Variants in SUGP2 observed in about 807,000 individuals in gnomAD.
SUGP2 encodes the protein SURP and G-patch domain containing 2.
A neutral mutation model predicts 90.5 loss-of-function variants in SUGP2; 24 were observed. The observed-to-expected ratio is 0.27, with a 90% confidence interval of 0.19 to 0.37. The LOEUF (loss-of-function observed/expected upper bound fraction) is 0.37, where lower values mean the gene tolerates loss of function less well. SUGP2 is among the 10% of genes least tolerant of loss of function. The probability of loss-of-function intolerance (pLI) is 1.00; values close to 1 mark genes in which losing one functional copy is unlikely to be tolerated. For missense variants in SUGP2, 1,233 were observed against 1,363.3 expected, an observed-to-expected ratio of 0.90 and a Z score of 1.51; for synonymous variants, 473 against 513.4, an observed-to-expected ratio of 0.92 and a Z score of 1.06.
rs2057486477 is a variant in SUGP2 at position 18,994,362 on chromosome 19, A to G, written c.*4T>C. On this transcript the variant is annotated splice_donor_region_variant and intron_variant, in intron 10 of 10. Coordinates refer to ENST00000452918, the MANE Select transcript of SUGP2 (RefSeq NM_001017392.5). ...CGGCCTTACACACTGGCCTGTGAAC[A>G]TACCTATTTGTTGGCCCGCTTGTGT... 1.9e-6 allele frequency: 3 copies of G among 1,613,910 alleles called. No homozygotes were observed. Among genetic ancestry groups the G allele is most frequent in the African/African-American group, 2.7e-5 (2 of 74,942 alleles).
chr19:19,029,686 TC>T, intron 2 of SUGP2, among the ~76,000 whole-genome samples: 1 of 150,106 alleles, frequency 6.7e-6, no homozygotes, highest in Non-Finnish European at 1.5e-5. Context: ...CTTGTGATCC[TC>T]CCAGCACTCT....
intron 6 of SUGP2, among the ~76,000 whole-genome samples, chr19:19,005,806 TTAGGACC>T (rs1351490831): frequency 6.7e-6 from 1 of 148,316 alleles, no homozygotes; most frequent in African/African-American, 2.5e-5. Context: ...ACCCAAGTAG[TTAGGACC>T]ACAGGCAAAT....
In SUGP2 at chr19:19,004,310, G is replaced by T; in HGVS notation, c.2787C>A (p.Ala929=). ...TPADGLPGEA[A]EDDLAGAPAL... ...CAGGTGCTCCAGCCAGGTCGTCCTC[G>T]GCAGCCTCGCCGGGAAGGCCGTCGG... Residue 929 remains alanine (A), a synonymous_variant, in exon 7 of 11, where the codon GCC becomes GCA. Coordinates refer to ENST00000452918, the MANE Select transcript of SUGP2 (RefSeq NM_001017392.5). 6.2e-7 allele frequency: 1 copy of T among 1,613,682 alleles called. No individual in the cohort carries two copies. Among genetic ancestry groups the T allele is most frequent in the Non-Finnish European group, 8.5e-7 (1 of 1,179,666 alleles).
At position 19,033,495 on chromosome 19, in the gene SUGP2, C is replaced by G. The variant is rs2059280852; in HGVS notation, c.-70G>C. On this transcript the variant is annotated 5_prime_UTR_variant, in exon 1 of 11. Transcript: ENST00000452918. ...GCCGCCTCAGGCTCCTCACCCGCCG[C>G]CGCCGCCGCGCGAGGCGGGGACATG... The G allele has an allele frequency of 7.1e-7, 1 of 1,408,756 alleles. No homozygotes were observed. The highest frequency in any genetic ancestry group is 9.3e-7 in the Non-Finnish European group (1 of 1,080,554). 87.3% of individuals were successfully genotyped at this position (1,408,756 alleles called of 1,614,324 possible). A position where few individuals can be genotyped will look rare whatever the true frequency, so the allele number is the denominator to read the frequency against.
intron 8 of SUGP2, among the ~76,000 whole-genome samples, chr19:18,999,941 C>T (rs2057765439): frequency 6.6e-6 from 1 of 152,196 alleles, no homozygotes; most frequent in South Asian, 2.1e-4. Flanking sequence ...TTTTGCACAC[C>T]CAGCCCACAA....
chr19:19,010,748 G>A (rs1052900537), intron 4 of SUGP2, among the ~76,000 whole-genome samples: 3 of 152,214 alleles, frequency 2.0e-5, no homozygotes, highest in African/African-American at 7.2e-5. Context: ...AACCACAAGA[G>A]AACATTAACC....
intron 4 of SUGP2, among the ~76,000 whole-genome samples, chr19:19,012,585 A>C (rs1030201291): frequency 3.9e-5 from 6 of 152,174 alleles, no homozygotes; most frequent in Non-Finnish European, 8.8e-5. Flanking sequence ...TCCATCTGTA[A>C]GACAGGGAAG....
At chr19:19,018,686 C>CAAAAAAA (rs55923416) in intron 4 of SUGP2, among the ~76,000 whole-genome samples, 3 of 85,902 alleles carry the variant, frequency 3.5e-5, no homozygotes, top group African/African-American at 9.6e-5. Context: ...GGCTCCGTCT[C>CAAAAAAA]AAAAAAAAAA....
chr19:18,999,382 TGG>T (rs980176059), intron 8 of SUGP2, among the ~76,000 whole-genome samples: 1 of 152,130 alleles, frequency 6.6e-6, no homozygotes, highest in African/African-American at 2.4e-5. Flanking sequence ...TCCTACCTGC[TGG>T]GTAAGTGTGG....
intron 8 of SUGP2, among the ~76,000 whole-genome samples, chr19:19,001,261 C>T (rs946076694): frequency 6.6e-6 from 1 of 152,128 alleles, no homozygotes; most frequent in African/African-American, 2.4e-5. Context: ...GTGATCCACC[C>T]GCCCTCTGCC....
Position 18,994,464 on chromosome 19 carries a change from C to T in SUGP2, c.3151G>A (p.Gly1051Arg). 1 of 1,614,206 alleles carries T rather than the reference C, an allele frequency of 6.2e-7. No homozygotes were observed. The highest frequency in any genetic ancestry group is 8.5e-7 in the Non-Finnish European group (1 of 1,180,018). ...TGCTCCTGCCCGTCAGCACCCAACC[C>T]TTCCCCTTCCGAGGGGGTTCCCCTA... ...VSVGTPSEGE[G>R]LGADGQEHKE... Residue 1051 changes from glycine to arginine, a missense_variant, in exon 10 of 11, where the codon GGG (glycine) becomes AGG (arginine). Physicochemically the swap from Gly to Arg is moderately radical, Grantham distance 125. This residue lies in a region of SUGP2 where 53 missense variants were observed against 55.3 expected (regional missense o/e 0.96). Coordinates refer to ENST00000452918, the MANE Select transcript of SUGP2 (RefSeq NM_001017392.5).
intron 2 of SUGP2, 31 bp downstream of exon 2, chr19:19,030,917 AAAC>A: frequency 1.9e-6 from 3 of 1,594,770 alleles, no homozygotes; most frequent in Non-Finnish European, 2.6e-6. Context: ...ACCCCTACCA[AAAC>A]AACAACTACA....
intron 2 of SUGP2, 123 bp from the exon 3 acceptor site, chr19:19,026,349 A>G (rs1420936585): frequency 7.4e-6 from 7 of 945,460 alleles, no homozygotes; most frequent in Non-Finnish European, 1.1e-5. Flanking sequence ...TATACACCTC[A>G]GTGCTTTTTG....
In SUGP2 at chr19:18,992,313, G is replaced by A. The variant is rs948531466; in HGVS notation, c.*1428C>T. ...GATCCACCTGCCTCGGCCTCCCAAA[G>A]TGCTGGAATTATAGGCGTGAGTCAC... is the stretch of plus-strand genomic sequence containing the variant. On this transcript the variant is annotated 3_prime_UTR_variant, in exon 11 of 11. Transcript: ENST00000452918. 4.8e-5 allele frequency: 7 copies of A among 146,300 alleles called. No homozygotes were observed. The highest frequency in any genetic ancestry group is 1.8e-4 in the African/African-American group (7 of 39,176). 9.1% of individuals were successfully genotyped at this position (146,300 alleles called of 1,614,324 possible). A position where few individuals can be genotyped will look rare whatever the true frequency, so the allele number is the denominator to read the frequency against.
chr19:19,019,311 C>T, intron 3 of SUGP2, 82 bp from the exon 4 acceptor site: 1 of 1,490,528 alleles, frequency 6.7e-7, no homozygotes, highest in Non-Finnish European at 9.1e-7. Flanking sequence ...TAGTTGGGGG[C>T]TTAGTGCTGA....
At chr19:18,993,995 A>C in intron 10 of SUGP2, 1 of 170,610 alleles carries the variant, frequency 5.9e-6, no homozygotes. Context: ...TGGTCATGTT[A>C]TGTGGTAGGT....
At chr19:18,998,972 G>A (rs1186659759) in intron 8 of SUGP2, 1 of 152,428 alleles carries the variant, frequency 6.6e-6, no homozygotes, top group African/African-American at 2.4e-5. Context: ...TGGGAGCTGT[G>A]CACGACCTGG....
In SUGP2 at chr19:19,001,639, G is replaced by C; in HGVS notation, c.2965C>G (p.Arg989Gly). Residue 989 changes from arginine (R) to glycine (G), a missense_variant, in exon 8 of 11, where the codon CGG becomes GGG. Physicochemically the swap from Arg to Gly is moderately radical, Grantham distance 125. Around this residue, in one of 8 missense-constraint regions of SUGP2, gnomAD observed 105 missense variants for 155.2 expected, o/e 0.68. Transcript: ENST00000452918. ...EPVRIAYDRP[R>G]GRPMSKKKKP... ...TTCTTTTTGGACATGGGACGACCCC[G>C]AGGCCTGTCATAGGCAATTCGAACT... is the stretch of plus-strand genomic sequence containing the variant. 1 of 1,614,220 alleles carries C rather than the reference G, an allele frequency of 6.2e-7. No homozygotes were observed. The highest frequency in any genetic ancestry group is 1.1e-5 in the South Asian group (1 of 91,082).
chr19:19,008,624 T>C (rs1381047790), intron 5 of SUGP2, among the ~76,000 whole-genome samples, 196 bp from the exon 6 acceptor site: 2 of 152,222 alleles, frequency 1.3e-5, no homozygotes, highest in African/African-American at 2.4e-5. Context: ...GGGCTGGTCC[T>C]GGGACTCACA....
Sources: gnomAD v4.1 joint callset for allele counts (sites outside exome capture counted in the v4.1 genomes callset) on GRCh38, gnomAD v4.1.1 for gene constraint, gnomAD v4.1.1 regional missense constraint, MANE v1.5 for transcripts, NCBI Gene and HGNC (gene_info 2026-07-23, HGNC 2026-07-21) for gene names.